Variants in SIK3 observed in about 807,000 individuals in gnomAD.
The protein encoded by SIK3 is serine/threonine-protein kinase SIK3.
Under a neutral mutation model 144.2 loss-of-function variants are expected in SIK3, and 28 were observed. That is an observed-to-expected ratio of 0.19 (90% CI 0.14 to 0.27). The LOEUF (loss-of-function observed/expected upper bound fraction) is 0.27, where lower values mean the gene tolerates loss of function less well. Ranked by LOEUF, SIK3 falls within the 10% of genes least tolerant of loss-of-function variation. SIK3 has a pLI of 1.00. For missense variants in SIK3, 1,319 were observed against 1,776.0 expected, an observed-to-expected ratio of 0.74 and a Z score of 4.62; for synonymous variants, 686 against 676.3, an observed-to-expected ratio of 1.01 and a Z score of -0.22.
At chr11:117,045,695 G>A (rs1056047550) in intron 1 of SIK3, among the ~76,000 whole-genome samples, 10 of 152,148 alleles carry the variant, frequency 6.6e-5, no homozygotes, top group South Asian at 2.1e-4. Flanking sequence ...CAACACTTAC[G>A]ACAAGCCATA....
intron 3 of SIK3, among the ~76,000 whole-genome samples, chr11:116,936,436 A>G (rs1056655586): frequency 6.6e-6 from 1 of 152,192 alleles, no homozygotes; most frequent in African/African-American, 2.4e-5. Flanking sequence ...TCAGCCTCCC[A>G]AAGTTCTGGG....
chr11:116,846,628 G>A lies in SIK3; in HGVS notation c.3953-75C>T. On this transcript the variant is annotated intron_variant, in intron 23 of 24. Transcript: ENST00000445177. The surrounding 1 kb of genome is among the most constrained non-coding windows in gnomAD (Gnocchi z 4.1). ...GGAGAGCAAGGGGGAGAGAGAGGAG[G>A]AATTGAAGGCAACCTGTCGAGCATC... 1 of 1,552,822 alleles carries A rather than the reference G, an allele frequency of 6.4e-7. No homozygotes were observed.
At chr11:116,876,465 G>A in intron 7 of SIK3, 102 bp from the exon 8 acceptor site, 1 of 956,136 alleles carries the variant, frequency 1.0e-6, no homozygotes, top group South Asian at 1.3e-5. Flanking sequence ...TCTGGCTTGG[G>A]ATATTTTTGG....
rs145705809 is a variant in SIK3, at chr11:116,940,967, C to A, written c.454+13077G>T. On this transcript the variant is annotated intron_variant, in intron 3 of 24. Coordinates refer to ENST00000445177, the MANE Select transcript of SIK3 (RefSeq NM_001366686.3). ...CATGGTTACTTGCTTGTTAGGAGAC[C>A]CTTAGAAAATAGCTAAGTTTTTGTT... 4.0e-4 allele frequency among the ~76,000 whole-genome samples: 60 copies of A among 151,672 alleles called. 2 individuals are homozygous for A. The East Asian group carries it at 0.01, about 27-fold the overall frequency.
intron 19 of SIK3, among the ~76,000 whole-genome samples, chr11:116,860,656 C>T (rs960049448): frequency 2.0e-5 from 3 of 152,180 alleles, no homozygotes; most frequent in South Asian, 2.1e-4. Context: ...AGAGACTGTT[C>T]CAAGTGTTTT....
At position 116,962,297 on chromosome 11, in the gene SIK3, G is replaced by T. The variant is rs117157737; in HGVS notation, c.274-5233C>A. 5.8e-4 allele frequency among the ~76,000 whole-genome samples: 88 copies of T among 152,290 alleles called. No individual in the cohort carries two copies. In the East Asian group the frequency reaches 0.016, roughly 27 times the overall value. On this transcript the variant is annotated intron_variant, in intron 1 of 24. Coordinates refer to ENST00000445177, the MANE Select transcript of SIK3 (RefSeq NM_001366686.3). ...AGAAAGAACTACGTAGGAGGGAAAT[G>T]CAAAGATCACAAGGGCTCAAATTCT...
At chr11:117,001,243 C>T (rs142848030) in intron 1 of SIK3, among the ~76,000 whole-genome samples, 1,970 of 152,306 alleles carry the variant, frequency 0.013, 27 homozygotes, top group Non-Finnish European at 0.018. Context: ...CAGTGGCTCA[C>T]GCCTGTAATC....
intron 6 of SIK3, among the ~76,000 whole-genome samples, chr11:116,893,032 G>C (rs1227161385): frequency 6.6e-6 from 1 of 152,190 alleles, no homozygotes; most frequent in Non-Finnish European, 1.5e-5. Context: ...ACAGTGAAAG[G>C]ATCAGTAGTT....
Position 116,844,701 on chromosome 11 carries a change from T to C in SIK3, c.*942A>G, listed in dbSNP as rs1024518198. On this transcript the variant is annotated 3_prime_UTR_variant, in exon 25 of 25. Coordinates refer to ENST00000445177, the MANE Select transcript of SIK3 (RefSeq NM_001366686.3). ...ATTATATTATATATATACACACATA[T>C]ATAATATATATATGGAGAAACAATC... 1 of 136,112 alleles carries C rather than the reference T, an allele frequency of 7.3e-6. No individual in the cohort carries two copies. Among genetic ancestry groups the C allele is most frequent in the African/African-American group, 2.6e-5 (1 of 38,452 alleles). The allele number at this position is 136,112 out of a possible 1,614,324, so 8.4% of individuals were successfully genotyped here.
At chr11:116,995,083 C>T (rs1199225356) in intron 1 of SIK3, among the ~76,000 whole-genome samples, 1 of 151,812 alleles carries the variant, frequency 6.6e-6, no homozygotes, top group Non-Finnish European at 1.5e-5. Flanking sequence ...GCCTGGGCAA[C>T]ATAGTGAAAC....
chr11:116,911,126 C>T (rs955626463), intron 4 of SIK3, among the ~76,000 whole-genome samples: 1 of 151,946 alleles, frequency 6.6e-6, no homozygotes, highest in Non-Finnish European at 1.5e-5. Context: ...AGAGCGAAAC[C>T]CTGTCTTTTA....
In SIK3 at chr11:116,858,785, C is replaced by T; in HGVS notation, c.2766-86G>A. On this transcript the variant is annotated intron_variant, in intron 20 of 24. Coordinates refer to ENST00000445177, the MANE Select transcript of SIK3 (RefSeq NM_001366686.3). The surrounding 1 kb of genome is among the most constrained non-coding windows in gnomAD (Gnocchi z 5.4). ...AGCTCCTCCTCCTCAGTAGGGAGAA[C>T]CCACTGGTACAGAGAACTGTGGTGT... is the stretch of plus-strand genomic sequence containing the variant. The T allele has an allele frequency of 6.7e-7, 1 of 1,498,804 alleles. No homozygotes were observed. 92.8% of individuals were successfully genotyped at this position (1,498,804 alleles called of 1,614,324 possible).
chr11:117,040,638 A>G (rs1206517438), intron 1 of SIK3, among the ~76,000 whole-genome samples: 1 of 152,202 alleles, frequency 6.6e-6, no homozygotes, highest in African/African-American at 2.4e-5. Context: ...CAAAAAGTAG[A>G]GGAGAACATT....
At chr11:117,091,724 G>A (rs1266518330) in intron 1 of SIK3, among the ~76,000 whole-genome samples, 1 of 152,180 alleles carries the variant, frequency 6.6e-6, no homozygotes, top group Non-Finnish European at 1.5e-5. Context: ...GCCAAGAAAT[G>A]CATCAGAAAA....
intron 3 of SIK3, among the ~76,000 whole-genome samples, chr11:116,947,569 A>ATGTATGTATTTT (rs374241141): frequency 1.9e-3 from 211 of 109,444 alleles, no homozygotes; most frequent in Non-Finnish European, 3.1e-3. Context: ...GTATGTATGT[A>ATGTATGTATTTT]TTTTTTTTTT....
chr11:116,844,635 T>TA lies in SIK3; in HGVS notation c.*1007_*1008insT, dbSNP rs1163171454. 4.1e-4 allele frequency: 4 copies of TA among 9,724 alleles called. No homozygotes were observed. The highest frequency in any genetic ancestry group is 2.9e-3 in the African/African-American group (3 of 1,028). The allele number at this position is 9,724 out of a possible 1,614,324, so 0.6% of individuals were successfully genotyped here. A position where few individuals can be genotyped will look rare whatever the true frequency, so the allele number is the denominator to read the frequency against. Reference sequence around the variant, plus strand: ...ATATATATAATATATATATAATATATTATATTATATATTATATATATAATA... The same window carrying TA: ...ATATATATAATATATATATAATATATATATATTATATATTATATATATAATA... On this transcript the variant is annotated 3_prime_UTR_variant, in exon 25 of 25. Coordinates refer to ENST00000445177, the MANE Select transcript of SIK3 (RefSeq NM_001366686.3).
intron 1 of SIK3, among the ~76,000 whole-genome samples, chr11:117,012,238 T>C (rs974180176): frequency 6.6e-6 from 1 of 152,194 alleles, no homozygotes; most frequent in African/African-American, 2.4e-5. Flanking sequence ...CCTTCCAAAG[T>C]GTTGGGATTA....
intron 3 of SIK3, among the ~76,000 whole-genome samples, chr11:116,928,302 G>A (rs1291592227): frequency 6.6e-6 from 1 of 152,170 alleles, no homozygotes; most frequent in East Asian, 1.9e-4. Flanking sequence ...TATAGGTCAT[G>A]ACAGCTAGTG....
intron 6 of SIK3, among the ~76,000 whole-genome samples, chr11:116,889,039 A>G (rs1351350746): frequency 6.6e-6 from 1 of 152,218 alleles, no homozygotes; most frequent in Non-Finnish European, 1.5e-5. Context: ...CACTGTGGAC[A>G]TTGGAAAAGT....
Sources: allele counts gnomAD v4.1 joint callset (sites outside exome capture counted in the v4.1 genomes callset), GRCh38; gene constraint gnomAD v4.1.1; non-coding constraint Gnocchi (gnomAD v3.1); transcripts MANE v1.5; gene names NCBI Gene and HGNC (gene_info 2026-07-23, HGNC 2026-07-21).